Variants in RABGAP1L observed in about 807,000 individuals in gnomAD.
The protein encoded by RABGAP1L is RAB GTPase activating protein 1 like, also known as rab GTPase-activating protein 1-like.
Under a neutral mutation model 137.7 loss-of-function variants are expected in RABGAP1L, and 63 were observed. The ratio of observed to expected loss-of-function variants is 0.46; its 90% CI spans 0.37 to 0.56. The LOEUF is 0.56. RABGAP1L is among the 20% of genes least tolerant of loss of function. The pLI is 0.00. For missense variants in RABGAP1L, 1,095 were observed against 1,244.0 expected (o/e 0.88, Z 1.80); for synonymous variants, 431 against 433.7 (o/e 0.99, Z 0.08).
chr1:174,812,491 A>G (rs1376048215), intron 19 of RABGAP1L, among the ~76,000 whole-genome samples: 6 of 152,252 alleles, frequency 3.9e-5, no homozygotes, highest in Non-Finnish European at 5.9e-5. Flanking sequence ...AGAAAGTTGT[A>G]GTATTAAGGT....
At chr1:174,908,986 A>T (rs1226335654) in intron 19 of RABGAP1L, among the ~76,000 whole-genome samples, 1 of 134,676 alleles carries the variant, frequency 7.4e-6, no homozygotes, top group East Asian at 2.5e-4. Flanking sequence ...ATCCTGGCTA[A>T]CATGGTGAAA....
Position 174,978,896 on chromosome 1 carries a change from G to A in RABGAP1L, c.2733+6G>A. The A allele has an allele frequency of 6.7e-7, 1 of 1,502,712 alleles. No individual in the cohort carries two copies. The highest frequency in any genetic ancestry group is 2.6e-5 in the East Asian group (1 of 38,646). The allele number at this position is 1,502,712 out of a possible 1,614,324, so 93.1% of individuals were successfully genotyped here. ...TCATTGCTGAGTATAAACAGGTAAT[G>A]TACTTCTGTGGCACATAGAGCTAGT... On this transcript the variant is annotated splice_donor_region_variant and intron_variant, in intron 23 of 25. Coordinates refer to ENST00000681986, the MANE Select transcript of RABGAP1L (RefSeq NM_001366446.1).
At chr1:174,642,807 C>T (rs1355493609) in intron 14 of RABGAP1L, among the ~76,000 whole-genome samples, 1 of 137,112 alleles carries the variant, frequency 7.3e-6, no homozygotes, top group Non-Finnish European at 1.5e-5. Context: ...CTCTTCTCTT[C>T]GGGGTCTTGT....
chr1:174,815,842 A>G (rs971604877), intron 19 of RABGAP1L, among the ~76,000 whole-genome samples: 2 of 152,356 alleles, frequency 1.3e-5, no homozygotes, highest in East Asian at 3.9e-4. Flanking sequence ...CAACTAGGCC[A>G]AAATCAGAAA....
intron 11 of RABGAP1L, among the ~76,000 whole-genome samples, chr1:174,318,232 A>G (rs1679579650): frequency 1.3e-5 from 2 of 151,336 alleles, no homozygotes; most frequent in African/African-American, 4.9e-5. Flanking sequence ...TCCTCCACCT[A>G]CCTCTCCCCT....
chr1:174,221,591 A>T (rs1352430497), intron 3 of RABGAP1L, among the ~76,000 whole-genome samples: 1 of 152,260 alleles, frequency 6.6e-6, no homozygotes, highest in Non-Finnish European at 1.5e-5. Context: ...TAATAAATAC[A>T]TCTATGAATA....
chr1:174,908,011 T>C (rs1659398906), intron 19 of RABGAP1L, among the ~76,000 whole-genome samples: 1 of 152,216 alleles, frequency 6.6e-6, no homozygotes, highest in South Asian at 2.1e-4. Context: ...CAGGAATAGC[T>C]ACAATTATAT....
At chr1:174,417,244 TTTTTA>T (rs1203374846) in intron 13 of RABGAP1L, among the ~76,000 whole-genome samples, 2 of 152,152 alleles carry the variant, frequency 1.3e-5, no homozygotes, top group Non-Finnish European at 2.9e-5. Flanking sequence ...TCTGAGCATA[TTTTTA>T]TGAAGCCAAT....
intron 13 of RABGAP1L, among the ~76,000 whole-genome samples, chr1:174,394,826 A>G (rs145610477): frequency 1.2e-3 from 187 of 152,150 alleles, no homozygotes; most frequent in Non-Finnish European, 1.6e-3. Flanking sequence ...TGTTCCTCAG[A>G]CTATATGAAC....
chr1:174,879,658 G>T (rs1653823239), intron 19 of RABGAP1L, among the ~76,000 whole-genome samples: 1 of 152,116 alleles, frequency 6.6e-6, no homozygotes, highest in Non-Finnish European at 1.5e-5. Flanking sequence ...TGGGTGATAA[G>T]TATTAATACA....
chr1:174,767,956 G>T, intron 18 of RABGAP1L, among the ~76,000 whole-genome samples: 1 of 152,104 alleles, frequency 6.6e-6, no homozygotes. Flanking sequence ...ATCAGATTTC[G>T]TGAGACTTAT....
intron 11 of RABGAP1L, among the ~76,000 whole-genome samples, chr1:174,339,464 C>T (rs1297204516): frequency 2.6e-5 from 4 of 152,036 alleles, no homozygotes; most frequent in Non-Finnish European, 5.9e-5. Flanking sequence ...TGGCAAGTCC[C>T]GAATGTCTAA....
chr1:174,814,053 A>G (rs544923592), intron 19 of RABGAP1L, among the ~76,000 whole-genome samples: 20 of 152,274 alleles, frequency 1.3e-4, no homozygotes, highest in Admixed American at 9.2e-4. Context: ...ATGTATAGGG[A>G]AAATTTTTTT....
rs1672185638 is a variant in RABGAP1L, at chr1:174,993,457, T to C, written c.*3456T>C. On this transcript the variant is annotated 3_prime_UTR_variant, in exon 26 of 26. Transcript: ENST00000681986. Reference sequence around the variant, plus strand: ...TTTCTCCAACCCCTGCTCCATTTTCTTAAAATATTTTCCAGTTAATAACTA... The same window carrying C: ...TTTCTCCAACCCCTGCTCCATTTTCCTAAAATATTTTCCAGTTAATAACTA... The C allele has an allele frequency of 6.6e-6, 1 of 152,244 alleles. No homozygotes were observed. Among genetic ancestry groups the C allele is most frequent in the African/African-American group, 2.4e-5 (1 of 41,460 alleles). The allele number at this position is 152,244 out of a possible 1,614,324, so 9.4% of individuals were successfully genotyped here. A position where few individuals can be genotyped will look rare whatever the true frequency, so the allele number is the denominator to read the frequency against.
intron 13 of RABGAP1L, among the ~76,000 whole-genome samples, chr1:174,612,083 T>C (rs765493175): frequency 3.1e-4 from 47 of 152,106 alleles, no homozygotes; most frequent in Admixed American, 1.2e-3. Context: ...CCAGAACTTC[T>C]AACACTATGT....
chr1:174,920,983 A>G (rs533433742), intron 19 of RABGAP1L, among the ~76,000 whole-genome samples: 1 of 152,114 alleles, frequency 6.6e-6, no homozygotes, highest in South Asian at 2.1e-4. Context: ...AGTACAGTGG[A>G]GCGATCTTGG....
intron 13 of RABGAP1L, among the ~76,000 whole-genome samples, chr1:174,514,916 T>A (rs1402399826): frequency 6.6e-6 from 1 of 152,190 alleles, no homozygotes; most frequent in African/African-American, 2.4e-5. Flanking sequence ...TTTTTGTAGG[T>A]TTTGTCTTTT....
At chr1:174,643,593 TA>T in intron 14 of RABGAP1L, among the ~76,000 whole-genome samples, 1 of 152,258 alleles carries the variant, frequency 6.6e-6, no homozygotes, top group South Asian at 2.1e-4. Flanking sequence ...AACATAATCA[TA>T]ACAGTAATAG....
intron 19 of RABGAP1L, chr1:174,849,908 A>G (rs1647959814): frequency 8.3e-6 from 5 of 603,966 alleles, no homozygotes; most frequent in Admixed American, 5.7e-5. Flanking sequence ...TCAGCTCTTG[A>G]CATCTTTCAG....
Sources: allele counts gnomAD v4.1 joint callset (sites outside exome capture counted in the v4.1 genomes callset), GRCh38; gene constraint gnomAD v4.1.1; transcripts MANE v1.5; gene names NCBI Gene and HGNC (gene_info 2026-07-23, HGNC 2026-07-21).